TBC1D8: variants seen among roughly 807,000 people sequenced by gnomAD.
The protein encoded by TBC1D8 is BUB2-like protein 1.
A neutral mutation model predicts 118.8 loss-of-function variants in TBC1D8; 65 were observed. That is an observed-to-expected ratio of 0.55 (90% confidence interval 0.45 to 0.67). The LOEUF is 0.67. Ranked by LOEUF, TBC1D8 falls within the 30% of genes least tolerant of loss-of-function variation. The pLI is 0.00. For synonymous variants in TBC1D8, 566 were observed against 595.8 expected (o/e 0.95, Z 0.73); for missense variants, 1,376 against 1,471.2 (o/e 0.94, Z 1.06).
chr2:101,136,122 G>A (rs1678845136), intron 1 of TBC1D8, among the ~76,000 whole-genome samples: 1 of 152,108 alleles, frequency 6.6e-6, no homozygotes, highest in Non-Finnish European at 1.5e-5. Context: ...CCAAAGTGCT[G>A]AGATTACAGC....
At chr2:101,075,887 C>A (rs1674783597) in intron 2 of TBC1D8, among the ~76,000 whole-genome samples, 1 of 152,128 alleles carries the variant, frequency 6.6e-6, no homozygotes, top group Admixed American at 6.5e-5. Flanking sequence ...TTTTTAAACT[C>A]CTGGCTTGTA....
chr2:101,135,843 G>C (rs868275279), intron 1 of TBC1D8, among the ~76,000 whole-genome samples: 6 of 152,136 alleles, frequency 3.9e-5, no homozygotes, highest in Non-Finnish European at 7.3e-5. Flanking sequence ...ATTTTGTTTG[G>C]ATGTTTGTCT....
chr2:101,104,011 C>A (rs1275595834), intron 1 of TBC1D8, among the ~76,000 whole-genome samples: 3 of 152,004 alleles, frequency 2.0e-5, no homozygotes, highest in Admixed American at 6.6e-5. Context: ...CTGCAGGATT[C>A]AAGGTTAACA....
chr2:101,018,333 TCA>T (rs750035298), intron 17 of TBC1D8: 1 of 92,218 alleles, frequency 1.1e-5, no homozygotes, highest in Non-Finnish European at 2.9e-5. Flanking sequence ...TCAATTAAGT[TCA>T]TTCAGGTTTT....
At chr2:101,086,906 CCTG>C (rs1262920127) in intron 2 of TBC1D8, among the ~76,000 whole-genome samples, 1 of 151,952 alleles carries the variant, frequency 6.6e-6, no homozygotes, top group Admixed American at 6.6e-5. Flanking sequence ...GCCTCAGCTT[CCTG>C]AGTAGCTGAG....
chr2:101,090,476 G>A, intron 1 of TBC1D8, 112 bp from the exon 2 acceptor site: 1 of 1,146,466 alleles, frequency 8.7e-7, no homozygotes, highest in Non-Finnish European at 1.2e-6. Context: ...AGCAGAGACA[G>A]TTTTACATCC....
At chr2:101,082,995 T>C (rs1199559598) in intron 2 of TBC1D8, among the ~76,000 whole-genome samples, 3 of 152,152 alleles carry the variant, frequency 2.0e-5, no homozygotes, top group Non-Finnish European at 4.4e-5. Context: ...AACATCCCTG[T>C]TTTTCAAGTT....
At chr2:101,120,529 T>C (rs2104232046) in intron 1 of TBC1D8, among the ~76,000 whole-genome samples, 1 of 152,336 alleles carries the variant, frequency 6.6e-6, no homozygotes, top group Non-Finnish European at 1.5e-5. Context: ...ACCTTTGTTA[T>C]CTGATGCATC....
intron 1 of TBC1D8, among the ~76,000 whole-genome samples, chr2:101,092,361 C>G (rs767007203): frequency 6.6e-6 from 1 of 152,154 alleles, no homozygotes; most frequent in Admixed American, 6.5e-5. Flanking sequence ...CTCTACTTGT[C>G]CCATTCTTGG....
intron 1 of TBC1D8, among the ~76,000 whole-genome samples, chr2:101,129,351 C>G (rs915160528): frequency 6.6e-5 from 10 of 152,042 alleles, no homozygotes; most frequent in Non-Finnish European, 1.5e-4. Flanking sequence ...CCATGTTGGC[C>G]AGGCTGTTCT....
At chr2:101,033,384 G>C in intron 10 of TBC1D8, 160 bp downstream of exon 10, 1 of 829,812 alleles carries the variant, frequency 1.2e-6, no homozygotes, top group Non-Finnish European at 2.0e-6. Context: ...AGTCCCTTTG[G>C]CCCTCATTTG....
intron 1 of TBC1D8, among the ~76,000 whole-genome samples, chr2:101,126,824 G>GCCA (rs1338982713): frequency 6.6e-6 from 1 of 152,194 alleles, no homozygotes; most frequent in Non-Finnish European, 1.5e-5. Flanking sequence ...GTAGAAAACG[G>GCCA]CCAAGTCTTG....
At chr2:101,126,348 TG>T (rs1678354576) in intron 1 of TBC1D8, among the ~76,000 whole-genome samples, 2 of 152,182 alleles carry the variant, frequency 1.3e-5, no homozygotes, top group Admixed American at 6.5e-5. Context: ...TGAAACTTGG[TG>T]GGGCCACACA....
At chr2:101,125,208 G>C (rs574332201) in intron 1 of TBC1D8, among the ~76,000 whole-genome samples, 37 of 152,238 alleles carry the variant, frequency 2.4e-4, no homozygotes, top group Middle Eastern at 3.4e-3. Flanking sequence ...GGGGCACCCG[G>C]GGCCAGGGTT....
At chr2:101,053,607 GC>G (rs148893445) in intron 4 of TBC1D8, among the ~76,000 whole-genome samples, 1,534 of 152,266 alleles carry the variant, frequency 0.01, 39 homozygotes, top group African/African-American at 0.035. Flanking sequence ...GAATCCCATT[GC>G]CTAGGACAAT....
chr2:101,101,601 T>C (rs1029722349), intron 1 of TBC1D8, among the ~76,000 whole-genome samples: 4 of 152,216 alleles, frequency 2.6e-5, no homozygotes, highest in Non-Finnish European at 5.9e-5. Context: ...TACACATGTA[T>C]GTTTATTGCA....
At chr2:101,135,172 AAAAAAAG>A (rs1678795471) in intron 1 of TBC1D8, among the ~76,000 whole-genome samples, 1 of 152,180 alleles carries the variant, frequency 6.6e-6, no homozygotes, top group Admixed American at 6.5e-5. Flanking sequence ...ACTCCGTCTC[AAAAAAAG>A]AAAAAAGAAA....
At chr2:101,018,019 C>A in intron 17 of TBC1D8, 3 of 1,301,422 alleles carry the variant, frequency 2.3e-6, no homozygotes, top group Admixed American at 2.1e-5. Context: ...AGCATGTGCT[C>A]ATTCTACATA....
At chr2:101,117,673 A>G (rs1345396237) in intron 1 of TBC1D8, among the ~76,000 whole-genome samples, 2 of 147,796 alleles carry the variant, frequency 1.4e-5, no homozygotes, top group Admixed American at 1.4e-4. Context: ...TCCCGGGTTC[A>G]CGCCATTCTC....
Sources: gnomAD v4.1 joint callset for allele counts (sites outside exome capture counted in the v4.1 genomes callset) on GRCh38, gnomAD v4.1.1 for gene constraint, MANE v1.5 for transcripts, NCBI Gene and HGNC (gene_info 2026-07-23, HGNC 2026-07-21) for gene names.